SLC35F5: variants seen among roughly 807,000 people sequenced by gnomAD.
SLC35F5 encodes HCV NS5A-transactivated protein 3.
In SLC35F5, 54 loss-of-function variants were observed where a neutral mutation model predicts 68.6. That is an observed-to-expected ratio of 0.79 (90% CI 0.63 to 0.99). The LOEUF (loss-of-function observed/expected upper bound fraction) is 0.99. Among genes scored for constraint, SLC35F5 ranks in the 50% least tolerant of loss-of-function variants. The pLI is 0.00. For missense variants in SLC35F5, 567 were observed against 626.9 expected (o/e 0.90, Z 1.02); for synonymous variants, 211 against 205.2 (o/e 1.03, Z -0.24).
At chr2:113,725,247 A>C (rs1420201491) in intron 12 of SLC35F5, 131 bp downstream of exon 12, 2 of 760,844 alleles carry the variant, frequency 2.6e-6, no homozygotes, top group Non-Finnish European at 4.3e-6. Flanking sequence ...AGTGGAGTTA[A>C]AGTATTCAGT....
rs2104953346 is a variant in SLC35F5, at chr2:113,711,597, A to C, written c.*3621T>G. Among the ~76,000 whole-genome samples the C allele has an allele frequency of 6.6e-6, 1 of 152,360 alleles. No homozygotes were observed. The highest frequency in any genetic ancestry group is 1.9e-4 in the East Asian group (1 of 5,192). Reference sequence around the variant, plus strand: ...CTAAATGGGATTTGGGGGACACGGCAGACTATTAAAATAGAACTCAAACTT... The same window carrying C: ...CTAAATGGGATTTGGGGGACACGGCCGACTATTAAAATAGAACTCAAACTT... On this transcript the variant is annotated 3_prime_UTR_variant, in exon 16 of 16. Transcript: ENST00000245680.
intron 7 of SLC35F5, chr2:113,742,470 A>G: frequency 3.6e-6 from 2 of 559,564 alleles, no homozygotes; most frequent in Non-Finnish European, 6.3e-6. Context: ...ATATGTAAAT[A>G]GCTGAAGTGT....
chr2:113,717,884 C>T lies in SLC35F5; in HGVS notation c.1497-34G>A, dbSNP rs113587587. ...AAAAAAAAGCAGTAATTAAGGAAAGCTTTAGAGCTGAAAAGGAACCTCAAA... is the reference window on the plus strand; with the variant it reads ...AAAAAAAAGCAGTAATTAAGGAAAGTTTTAGAGCTGAAAAGGAACCTCAAA... On this transcript the variant is annotated intron_variant, in intron 14 of 15. Coordinates refer to ENST00000245680, the MANE Select transcript of SLC35F5 (RefSeq NM_025181.5). The T allele has an allele frequency of 6.0e-6, 9 of 1,507,332 alleles. No homozygotes were observed. In the East Asian group the frequency reaches 9.0e-5, roughly 15 times the overall value. The allele number at this position is 1,507,332 out of a possible 1,614,324, so 93.4% of individuals were successfully genotyped here. A position where few individuals can be genotyped will look rare whatever the true frequency, so the allele number is the denominator to read the frequency against.
chr2:113,729,649 T>C (rs1687807448), intron 10 of SLC35F5, 144 bp from the exon 11 acceptor site: 3 of 584,774 alleles, frequency 5.1e-6, no homozygotes, highest in African/African-American at 2.0e-5. Context: ...TATATTGATA[T>C]AAAGATATAT....
At chr2:113,747,948 C>T (rs918824870) in intron 4 of SLC35F5, among the ~76,000 whole-genome samples, 6 of 151,950 alleles carry the variant, frequency 3.9e-5, no homozygotes, top group African/African-American at 9.7e-5. Flanking sequence ...AAAAATTAGC[C>T]GGGCATGGTG....
intron 7 of SLC35F5, among the ~76,000 whole-genome samples, chr2:113,738,832 C>T (rs1450325342): frequency 1.3e-5 from 2 of 152,058 alleles, no homozygotes; most frequent in Admixed American, 6.5e-5. Context: ...AAGTATAATG[C>T]ATACTGGGTT....
intron 1 of SLC35F5, 74 bp from the exon 2 acceptor site, chr2:113,755,618 T>G: frequency 7.4e-7 from 1 of 1,355,944 alleles, no homozygotes; most frequent in African/African-American, 1.4e-5. Flanking sequence ...CGTTTTTTAC[T>G]CTTCATCTTC....
intron 4 of SLC35F5, 61 bp downstream of exon 4, chr2:113,750,364 A>G: frequency 6.9e-7 from 1 of 1,443,088 alleles, no homozygotes; most frequent in South Asian, 1.5e-5. Flanking sequence ...ATACATCTTT[A>G]AACTTTGAAA....
At chr2:113,749,321 G>T (rs1047500886) in intron 4 of SLC35F5, among the ~76,000 whole-genome samples, 12 of 152,242 alleles carry the variant, frequency 7.9e-5, no homozygotes, top group African/African-American at 2.9e-4. Context: ...GCAACATAGT[G>T]AGACACTGTC....
chr2:113,736,851 T>C (rs1466121539), intron 7 of SLC35F5, among the ~76,000 whole-genome samples: 3 of 152,188 alleles, frequency 2.0e-5, no homozygotes, highest in Non-Finnish European at 4.4e-5. Flanking sequence ...TAAGAAATAA[T>C]GCTTTTTTTG....
chr2:113,756,344 G>A, intron 1 of SLC35F5, 26 bp downstream of exon 1: 1 of 1,563,906 alleles, frequency 6.4e-7, no homozygotes, highest in Non-Finnish European at 8.7e-7. Context: ...CTCCGGTGAT[G>A]TCGGGGCCCT....
At chr2:113,718,918 AAAGAAAGAAAAAGAAAGG>A (rs1205014665) in intron 14 of SLC35F5, among the ~76,000 whole-genome samples, 22 of 46,664 alleles carry the variant, frequency 4.7e-4, no homozygotes, top group Non-Finnish European at 1.0e-3. Flanking sequence ...AGAAAGAAAG[AAAGAAAGAAAAAGAAAGG>A]AAGAAAGGAA....
downstream of SLC35F5, among the ~76,000 whole-genome samples, chr2:113,704,421 C>T (rs111859450): frequency 6.6e-6 from 1 of 152,226 alleles, no homozygotes; most frequent in African/African-American, 2.4e-5. Flanking sequence ...GCCCTGCGCC[C>T]GCACTCCTCA....
downstream of SLC35F5, among the ~76,000 whole-genome samples, chr2:113,703,350 A>G (rs1358509129): frequency 6.6e-6 from 1 of 152,224 alleles, no homozygotes; most frequent in Non-Finnish European, 1.5e-5. Flanking sequence ...TAATTATGGA[A>G]CAAATTAGCT....
chr2:113,727,373 G>A (rs186902039), intron 11 of SLC35F5, among the ~76,000 whole-genome samples: 90 of 151,940 alleles, frequency 5.9e-4, no homozygotes, highest in Non-Finnish European at 9.7e-4. Flanking sequence ...AACAACAAAA[G>A]AACACATATA....
intron 7 of SLC35F5, among the ~76,000 whole-genome samples, chr2:113,739,561 TA>T (rs1688214032): frequency 6.6e-6 from 1 of 152,254 alleles, no homozygotes; most frequent in Non-Finnish European, 1.5e-5. Context: ...TGTAGTATGA[TA>T]ATTACGTATG....
chr2:113,709,870 G>A lies in SLC35F5; in HGVS notation c.*5348C>T, dbSNP rs1172015381. Among the ~76,000 whole-genome samples the A allele has an allele frequency of 6.6e-6, 1 of 152,146 alleles. No homozygotes were observed. Among genetic ancestry groups the A allele is most frequent in the East Asian group, 1.9e-4 (1 of 5,194 alleles). On this transcript the variant is annotated 3_prime_UTR_variant, in exon 16 of 16. Coordinates refer to ENST00000245680, the MANE Select transcript of SLC35F5 (RefSeq NM_025181.5). ...TTTGCTGCCCAGGCTGGACTGCAGTGGCCCAATAATAACTCACTGCAGCCT... is the reference window on the plus strand; with the variant it reads ...TTTGCTGCCCAGGCTGGACTGCAGTAGCCCAATAATAACTCACTGCAGCCT...
chr2:113,725,483 T>C lies in SLC35F5; in HGVS notation c.1145A>G (p.His382Arg). The stretch of plus-strand genomic sequence containing the variant: ...CTCGAAGTCCTCAAATCCAGTATAA[T>C]GAAGTAAAAAGAAACCTGGCCATAA... The part of the protein sequence containing the change: ...LLLWPGFFLL[H>R]YTGFEDFEFP... Residue 382 changes from histidine to arginine, a missense_variant, in exon 12 of 16, where the codon CAT becomes CGT. Coordinates refer to ENST00000245680, the MANE Select transcript of SLC35F5 (RefSeq NM_025181.5). 6.2e-7 allele frequency: 1 copy of C among 1,605,362 alleles called. No homozygotes were observed.
At chr2:113,716,694 A>G (rs1222139812) in intron 15 of SLC35F5, among the ~76,000 whole-genome samples, 1 of 152,236 alleles carries the variant, frequency 6.6e-6, no homozygotes, top group African/African-American at 2.4e-5. Context: ...GAATCAGCTA[A>G]GAGTTTAATT....
Sources: gnomAD v4.1 joint callset for allele counts (sites outside exome capture counted in the v4.1 genomes callset) on GRCh38, gnomAD v4.1.1 for gene constraint, MANE v1.5 for transcripts, NCBI Gene and HGNC (gene_info 2026-07-23, HGNC 2026-07-21) for gene names.